Variants in MCTP1 observed in about 807,000 individuals in gnomAD.
MCTP1 encodes multiple C2 and transmembrane domain containing 1.
MCTP1 carries 69 observed loss-of-function variants against 120.6 expected under a neutral mutation model. That is an observed-to-expected ratio of 0.57 (90% confidence interval 0.47 to 0.70). The LOEUF (loss-of-function observed/expected upper bound fraction) is 0.70, where lower values mean the gene tolerates loss of function less well. Among genes scored for constraint, MCTP1 ranks in the 30% least tolerant of loss-of-function variants. The pLI is 0.00. For missense variants in MCTP1, 1,203 were observed against 1,248.8 expected (o/e 0.96, Z 0.55); for synonymous variants, 529 against 493.1 (o/e 1.07, Z -0.96).
intron 11 of MCTP1, among the ~76,000 whole-genome samples, chr5:94,891,099 G>A (rs572132647): frequency 2.6e-5 from 4 of 152,002 alleles, no homozygotes; most frequent in South Asian, 2.1e-4. Context: ...TATGACCTTC[G>A]TATATTGAGA....
chr5:95,051,669 C>T (rs1485377419), intron 1 of MCTP1, among the ~76,000 whole-genome samples: 1 of 152,036 alleles, frequency 6.6e-6, no homozygotes, highest in African/African-American at 2.4e-5. Flanking sequence ...ATATACTATG[C>T]CACTGCACAT....
intron 2 of MCTP1, among the ~76,000 whole-genome samples, chr5:94,983,665 GTCAATCT>G: frequency 5.8e-5 from 1 of 17,286 alleles, no homozygotes; most frequent in African/African-American, 1.3e-4. Context: ...CTGTCTGTCT[GTCAATCT>G]ATCTATCTAT....
chr5:94,781,478 T>C (rs1462632354), intron 18 of MCTP1, among the ~76,000 whole-genome samples: 2 of 152,182 alleles, frequency 1.3e-5, no homozygotes, highest in African/African-American at 4.8e-5. Flanking sequence ...ACTGACTTAG[T>C]TCACCTGGAA....
chr5:94,802,717 T>C (rs1347848122), intron 17 of MCTP1, among the ~76,000 whole-genome samples: 1 of 152,126 alleles, frequency 6.6e-6, no homozygotes, highest in Admixed American at 6.5e-5. Flanking sequence ...AGAGATACAA[T>C]AATGCATTAA....
chr5:95,259,439 C>G (rs931427615), intron 1 of MCTP1, among the ~76,000 whole-genome samples: 1 of 152,174 alleles, frequency 6.6e-6, no homozygotes, highest in Admixed American at 6.5e-5. Flanking sequence ...TAGCCCCCCA[C>G]TTTGTCTGGA....
chr5:95,025,896 C>T (rs955515493), intron 1 of MCTP1, among the ~76,000 whole-genome samples: 5 of 152,098 alleles, frequency 3.3e-5, no homozygotes, highest in African/African-American at 1.2e-4. Context: ...AAAGATTCTC[C>T]AGACTTTTCT....
chr5:95,109,677 C>G (rs1289819188), intron 1 of MCTP1, among the ~76,000 whole-genome samples: 1 of 152,138 alleles, frequency 6.6e-6, no homozygotes, highest in African/African-American at 2.4e-5. Context: ...GAAGACAAAT[C>G]TATTGACTTT....
At chr5:95,186,019 C>T (rs1397826302) in intron 1 of MCTP1, among the ~76,000 whole-genome samples, 1 of 151,660 alleles carries the variant, frequency 6.6e-6, no homozygotes, top group Non-Finnish European at 1.5e-5. Context: ...AACAAAAAAC[C>T]CTGGGAGGCA....
Position 94,923,981 on chromosome 5 carries a change from A to C in MCTP1, c.1253T>G (p.Val418Gly). The C allele has an allele frequency of 6.6e-7, 1 of 1,525,600 alleles. No individual in the cohort carries two copies. 94.5% of individuals were successfully genotyped at this position (1,525,600 alleles called of 1,614,324 possible). ...CATTACCCTCCAAAAGAGAGACTTC[A>C]CAGAGAAATAAGATCCAACCACTTC... is the stretch of plus-strand genomic sequence containing the variant. Reference protein sequence around the residue: ...ENEVVGSYFSVKSLFWRTCGR... With the variant: ...ENEVVGSYFSGKSLFWRTCGR... The change falls in exon 7 of 23, where the codon GTG becomes GGG. Residue 418 changes from valine to glycine, a missense_variant. This residue lies in a region of MCTP1 where 740 missense variants were observed against 871.1 expected (regional missense o/e 0.85). Transcript: ENST00000515393.
chr5:95,273,661 A>G (rs1759584314), intron 1 of MCTP1, among the ~76,000 whole-genome samples: 1 of 152,246 alleles, frequency 6.6e-6, no homozygotes, highest in Non-Finnish European at 1.5e-5. Context: ...TATTCTGAAG[A>G]ACTCAAATAA....
intron 1 of MCTP1, among the ~76,000 whole-genome samples, chr5:95,144,731 T>C (rs1315893848): frequency 6.6e-6 from 1 of 152,218 alleles, no homozygotes; most frequent in Non-Finnish European, 1.5e-5. Context: ...TGTGACTTTA[T>C]TTCTGAGTTC....
At chr5:95,132,538 C>T (rs779197730) in intron 1 of MCTP1, among the ~76,000 whole-genome samples, 19 of 152,192 alleles carry the variant, frequency 1.2e-4, no homozygotes, top group Non-Finnish European at 1.8e-4. Context: ...TGCGGAAGGC[C>T]GGATGGCTGC....
At chr5:94,957,248 C>A (rs1431866658) in intron 2 of MCTP1, among the ~76,000 whole-genome samples, 1 of 152,116 alleles carries the variant, frequency 6.6e-6, no homozygotes, top group Non-Finnish European at 1.5e-5. Context: ...GCCTGCCTTA[C>A]AAGAGCTCCT....
chr5:94,920,703 C>G (rs1811402495), intron 7 of MCTP1, among the ~76,000 whole-genome samples: 1 of 151,462 alleles, frequency 6.6e-6, no homozygotes. Flanking sequence ...GACCGCGCCA[C>G]TGCACTCCAG....
chr5:95,011,447 G>A (rs956832128), intron 2 of MCTP1, among the ~76,000 whole-genome samples: 7 of 152,072 alleles, frequency 4.6e-5, no homozygotes, highest in Admixed American at 1.3e-4. Flanking sequence ...TTGGCTCTGT[G>A]TCCCTACCCA....
intron 2 of MCTP1, among the ~76,000 whole-genome samples, chr5:95,012,071 T>C (rs1581832567): frequency 1.3e-5 from 2 of 152,258 alleles, no homozygotes; most frequent in Admixed American, 1.3e-4. Context: ...TGCTACTTTG[T>C]CATTATACCT....
At chr5:94,877,571 T>G (rs1236393598) in intron 12 of MCTP1, 1 of 152,110 alleles carries the variant, frequency 6.6e-6, no homozygotes, top group Non-Finnish European at 1.5e-5. Flanking sequence ...TTGTCTCCAA[T>G]GGGCGTCTTT....
intron 1 of MCTP1, among the ~76,000 whole-genome samples, chr5:95,104,921 G>C (rs908014996): frequency 1.3e-5 from 2 of 152,066 alleles, no homozygotes; most frequent in Admixed American, 6.6e-5. Context: ...ATAAAATAAT[G>C]TTTCTTTGGA....
At chr5:95,025,134 A>T (rs1839000400) in intron 1 of MCTP1, among the ~76,000 whole-genome samples, 1 of 152,202 alleles carries the variant, frequency 6.6e-6, no homozygotes, top group Non-Finnish European at 1.5e-5. Flanking sequence ...AAAAGAACGA[A>T]GCTAGAGGCA....
Sources: allele counts gnomAD v4.1 joint callset (sites outside exome capture counted in the v4.1 genomes callset), GRCh38; gene constraint gnomAD v4.1.1; regional missense constraint gnomAD v4.1.1; transcripts MANE v1.5; gene names NCBI Gene and HGNC (gene_info 2026-07-23, HGNC 2026-07-21).